Variants in RAD51D observed in about 807,000 individuals in gnomAD.
The protein encoded by RAD51D is DNA repair protein RAD51 homolog 4.
In RAD51D, 38 loss-of-function variants were observed where a neutral mutation model predicts 44.1. That is an observed-to-expected ratio of 0.86 (90% CI 0.67 to 1.13). The LOEUF is 1.13. Ranked by LOEUF, RAD51D falls within the 50% of genes most tolerant of loss-of-function variation. The pLI is 0.00. For synonymous variants in RAD51D, 141 were observed against 166.6 expected (o/e 0.85, Z 1.18); for missense variants, 390 against 414.0 (o/e 0.94, Z 0.50).
rs971854763 is a variant in RAD51D at position 35,100,798 on chromosome 17, G to C, written c.*155C>G. The C allele has an allele frequency of 2.8e-6, 2 of 723,178 alleles. No homozygotes were observed. The highest frequency in any genetic ancestry group is 1.7e-5 in the African/African-American group (1 of 57,446). The allele number at this position is 723,178 out of a possible 1,614,324, so 44.8% of individuals were successfully genotyped here. A position where few individuals can be genotyped will look rare whatever the true frequency, so the allele number is the denominator to read the frequency against. On this transcript the variant is annotated 3_prime_UTR_variant, in exon 10 of 10. Coordinates refer to ENST00000345365, the MANE Select transcript of RAD51D (RefSeq NM_002878.4). ...TTCGCCTGTGGTTTATATGCTTACA[G>C]AGAGTGAGGCCAAGGAACCCAAGAT...
rs2091485855 is a variant in RAD51D at position 35,096,369 on chromosome 17, G to A, written c.*4584C>T. 6.6e-6 allele frequency: 1 copy of A among 152,124 alleles called. No individual in the cohort carries two copies. Among genetic ancestry groups the A allele is most frequent in the South Asian group, 2.1e-4 (1 of 4,828 alleles). The allele number at this position is 152,124 out of a possible 1,614,324, so 9.4% of individuals were successfully genotyped here. On this transcript the variant is annotated 3_prime_UTR_variant, in exon 10 of 10. Coordinates refer to ENST00000345365, the MANE Select transcript of RAD51D (RefSeq NM_002878.4). ...CTTGTTCTTTAAAGGACACACAGGAGGCGATCCTTCTCCTGCCTGTAGATA... is the reference window on the plus strand; with the variant it reads ...CTTGTTCTTTAAAGGACACACAGGAAGCGATCCTTCTCCTGCCTGTAGATA...
chr17:35,119,040 G>C (rs997107723), intron 2 of RAD51D, 71 bp downstream of exon 2: 2 of 1,441,364 alleles, frequency 1.4e-6, no homozygotes, highest in Non-Finnish European at 2.0e-6. Context: ...ATGAGCCACC[G>C]CGCCCAGCTG....
In RAD51D at chr17:35,101,266, T is replaced by C; in HGVS notation, c.838A>G (p.Thr280Ala). 6.2e-7 allele frequency: 1 copy of C among 1,614,136 alleles called. No homozygotes were observed. Among genetic ancestry groups the C allele is most frequent in the Middle Eastern group, 1.6e-4 (1 of 6,062 alleles). Residue 280 changes from threonine (T) to alanine (A), a missense_variant, in exon 9 of 10, where the codon ACC becomes GCC. Transcript: ENST00000345365. ...FVPSTRILLD[T>A]IEGAGASGGR... ...CCTGATGCTCCTGCTCCCTCGATGGTGTCCAGGAGAATCCGAGTGCTGGGC... is the reference window on the plus strand; with the variant it reads ...CCTGATGCTCCTGCTCCCTCGATGGCGTCCAGGAGAATCCGAGTGCTGGGC...
At chr17:35,108,194 G>A (rs1164628832) in intron 3 of RAD51D, among the ~76,000 whole-genome samples, 3 of 150,932 alleles carry the variant, frequency 2.0e-5, no homozygotes, top group Non-Finnish European at 3.0e-5. Flanking sequence ...ACAGTGAGCC[G>A]AGATCACGCC....
chr17:35,116,010 A>AAAGAAAGAAAGG, intron 3 of RAD51D, among the ~76,000 whole-genome samples: 1 of 150,884 alleles, frequency 6.6e-6, no homozygotes. Flanking sequence ...AGAAAGAAAG[A>AAAGAAAGAAAGG]AAGGCTAGAA....
At chr17:35,119,020 G>T in intron 2 of RAD51D, 91 bp downstream of exon 2, 1 of 1,268,510 alleles carries the variant, frequency 7.9e-7, no homozygotes, top group Non-Finnish European at 1.2e-6. Context: ...AAAGTGCTGG[G>T]ATTACAGGCA....
In RAD51D at chr17:35,099,715, T is replaced by C. The variant is rs1313329764; in HGVS notation, c.*1238A>G. 2 of 394,504 alleles carry C rather than the reference T, an allele frequency of 5.1e-6. No individual in the cohort carries two copies. The allele number at this position is 394,504 out of a possible 1,614,324, so 24.4% of individuals were successfully genotyped here. On this transcript the variant is annotated 3_prime_UTR_variant, in exon 10 of 10. Coordinates refer to ENST00000345365, the MANE Select transcript of RAD51D (RefSeq NM_002878.4). The stretch of plus-strand genomic sequence containing the variant: ...TTTCCTGCAGCCAAGACATAACTGA[T>C]TAATTACACAACAGGCTCTCTAACC...
intron 3 of RAD51D, among the ~76,000 whole-genome samples, chr17:35,116,146 T>C (rs1400696829): frequency 6.6e-6 from 1 of 151,686 alleles, no homozygotes; most frequent in East Asian, 1.9e-4. Context: ...ACATTCCTCC[T>C]GGTAGTAGGT....
chr17:35,115,209 C>T, intron 3 of RAD51D: 1 of 502,368 alleles, frequency 2.0e-6, no homozygotes, highest in Admixed American at 2.0e-5. Context: ...GGGACTTATC[C>T]TCTGCCTTTC....
rs2091561999 is a variant in RAD51D, at chr17:35,103,343, C to A, written c.668-19G>T. On this transcript the variant is annotated intron_variant, in intron 7 of 9. Coordinates refer to ENST00000345365, the MANE Select transcript of RAD51D (RefSeq NM_002878.4). The surrounding 1 kb of genome is among the most constrained non-coding windows in gnomAD (Gnocchi z 4.1). ...GCCAAGCCTGCAGGAGGAGGAGAAG[C>A]AGAGAGGGAGGGCAGTGGGGAACCA... 1 of 1,612,724 alleles carries A rather than the reference C, an allele frequency of 6.2e-7. No homozygotes were observed. The highest frequency in any genetic ancestry group is 1.1e-5 in the South Asian group (1 of 90,798).
At position 35,097,107 on chromosome 17, in the gene RAD51D, GA is replaced by G. The variant is rs2091490701; in HGVS notation, c.*3845del. 3 of 150,022 alleles carry G rather than the reference GA, an allele frequency of 2.0e-5. No homozygotes were observed. The highest frequency in any genetic ancestry group is 4.4e-5 in the Non-Finnish European group (3 of 67,626). The allele number at this position is 150,022 out of a possible 1,614,324, so 9.3% of individuals were successfully genotyped here. A position where few individuals can be genotyped will look rare whatever the true frequency, so the allele number is the denominator to read the frequency against. ...TAAGAAGACACTCTGGGGACTCAAT[GA>G]TGTGGGTGTGAACATATATATATAT... On this transcript the variant is annotated 3_prime_UTR_variant, in exon 10 of 10. Transcript: ENST00000345365.
intron 8 of RAD51D, among the ~76,000 whole-genome samples, chr17:35,102,013 GAACT>G (rs2091544531): frequency 6.6e-6 from 1 of 152,076 alleles, no homozygotes; most frequent in Non-Finnish European, 1.5e-5. Flanking sequence ...TAACACCACC[GAACT>G]GTATACCTTA....
At position 35,096,335 on chromosome 17, in the gene RAD51D, T is replaced by C. The variant is rs1330501005; in HGVS notation, c.*4618A>G. On this transcript the variant is annotated 3_prime_UTR_variant, in exon 10 of 10. Coordinates refer to ENST00000345365, the MANE Select transcript of RAD51D (RefSeq NM_002878.4). ...CAGTCAGGAGCCACAGTTCCTGGCATGTTAACACCTTGTTCTTTAAAGGAC... is the reference window on the plus strand; with the variant it reads ...CAGTCAGGAGCCACAGTTCCTGGCACGTTAACACCTTGTTCTTTAAAGGAC... 1 of 152,156 alleles carries C rather than the reference T, an allele frequency of 6.6e-6. No homozygotes were observed. The highest frequency in any genetic ancestry group is 2.4e-5 in the African/African-American group (1 of 41,436). The allele number at this position is 152,156 out of a possible 1,614,324, so 9.4% of individuals were successfully genotyped here.
At chr17:35,114,454 T>C (rs533065784) in intron 3 of RAD51D, among the ~76,000 whole-genome samples, 20 of 151,338 alleles carry the variant, frequency 1.3e-4, no homozygotes, top group Non-Finnish European at 2.7e-4. Context: ...GAGACAGAGG[T>C]AGGATTGCTT....
intron 3 of RAD51D, among the ~76,000 whole-genome samples, chr17:35,108,257 AAACAAC>A (rs758245231): frequency 6.6e-6 from 1 of 151,684 alleles, no homozygotes; most frequent in Admixed American, 6.6e-5. Flanking sequence ...AAAACAAAAC[AAACAAC>A]AACAACAACA....
chr17:35,112,638 A>G (rs1413027197), intron 3 of RAD51D, among the ~76,000 whole-genome samples: 1 of 152,208 alleles, frequency 6.6e-6, no homozygotes, highest in Non-Finnish European at 1.5e-5. Context: ...TCGACCTTCC[A>G]AAGTGCTGGG....
rs530084919 is a variant in RAD51D at position 35,108,715 on chromosome 17, C to T, written c.264-1268G>A. 1.2e-4 allele frequency among the ~76,000 whole-genome samples: 19 copies of T among 152,140 alleles called. No individual in the cohort carries two copies. The South Asian group carries it at 3.9e-3, about 32-fold the overall frequency. On this transcript the variant is annotated intron_variant, in intron 3 of 9. Coordinates refer to ENST00000345365, the MANE Select transcript of RAD51D (RefSeq NM_002878.4). The stretch of plus-strand genomic sequence containing the variant: ...GAACATTTCCATCACTATAAGTCTT[C>T]CTCCTGCTACCCTTTTATAGCCACA...
chr17:35,112,064 TTTTG>T (rs374564341), intron 3 of RAD51D, among the ~76,000 whole-genome samples: 17 of 152,282 alleles, frequency 1.1e-4, no homozygotes, highest in South Asian at 8.3e-4. Context: ...GGCATTGTGT[TTTTG>T]TTTGTTTGTT....
rs876660090 is a variant in RAD51D, at chr17:35,106,387, T to G, written c.575A>C (p.Gln192Pro). 6.2e-7 allele frequency: 1 copy of G among 1,612,864 alleles called. No individual in the cohort carries two copies. The highest frequency in any genetic ancestry group is 8.5e-7 in the Non-Finnish European group (1 of 1,179,410). The part of the protein sequence containing the change: ...LQELRGTVAQ[Q>P]VTGSSGTVKV... ...GGAGGGGCAGAACAGCAGGCTCACCTGCTGGGCCACAGTGCCTCGGAGCTC... is the reference window on the plus strand; with the variant it reads ...GGAGGGGCAGAACAGCAGGCTCACCGGCTGGGCCACAGTGCCTCGGAGCTC... The change falls in exon 6 of 10, where the codon CAG (glutamine) becomes CCG (proline). Residue 192 changes from glutamine to proline, a missense_variant and splice_region_variant. By Grantham distance (76) the Gln-to-Pro change is moderately conservative. Transcript: ENST00000345365.
Sources: allele counts gnomAD v4.1 joint callset (sites outside exome capture counted in the v4.1 genomes callset), GRCh38; gene constraint gnomAD v4.1.1; non-coding constraint Gnocchi (gnomAD v3.1); transcripts MANE v1.5; gene names NCBI Gene and HGNC (gene_info 2026-07-23, HGNC 2026-07-21).